The following ZNF211 variants were observed in gnomAD, a reference collection of about 807,000 sequenced individuals.
The protein encoded by ZNF211 is zinc finger protein C2H2-25.
A neutral mutation model predicts 12.1 loss-of-function variants in ZNF211; 18 were observed. That is an observed-to-expected ratio of 1.48 (90% CI 1.03 to 2.20). The LOEUF is 2.20. Among genes scored for constraint, ZNF211 ranks in the 30% most tolerant of loss-of-function variants. The pLI is 0.00. For missense variants in ZNF211, 677 were observed against 703.1 expected (o/e 0.96, Z 0.42); for synonymous variants, 249 against 246.0 (o/e 1.01, Z -0.11).
In ZNF211 at chr19:57,634,003, A is replaced by T. The variant is rs768454185; in HGVS notation, c.91-20A>T. ...GCACTGCCATGATCACATTCCTCTG[A>T]GGCCTGCGTCTTTCCACAGGTTCCC... is the stretch of plus-strand genomic sequence containing the variant. On this transcript the variant is annotated intron_variant, in intron 1 of 3. Transcript: ENST00000240731. The T allele has an allele frequency of 4.4e-6, 7 of 1,593,418 alleles. No homozygotes were observed. Among genetic ancestry groups the T allele is most frequent in the Non-Finnish European group, 6.0e-6 (7 of 1,171,030 alleles).
rs1281963856 is a variant in ZNF211 at position 57,642,281 on chromosome 19, G to T, written c.*100G>T. On this transcript the variant is annotated 3_prime_UTR_variant, in exon 4 of 4. Coordinates refer to ENST00000240731, the MANE Select transcript of ZNF211 (RefSeq NM_006385.5). ...TGATTTGGAAGCCCCAACATCTAAGGATATACAGTGGGCGGATTCCCCTTA... is the reference window on the plus strand; with the variant it reads ...TGATTTGGAAGCCCCAACATCTAAGTATATACAGTGGGCGGATTCCCCTTA... 4.6e-6 allele frequency: 6 copies of T among 1,316,356 alleles called. No individual in the cohort carries two copies. In the South Asian group the frequency reaches 7.5e-5, roughly 17 times the overall value. 81.5% of individuals were successfully genotyped at this position (1,316,356 alleles called of 1,614,324 possible). A position where few individuals can be genotyped will look rare whatever the true frequency, so the allele number is the denominator to read the frequency against.
At chr19:57,638,961 A>G (rs1982487232) in intron 3 of ZNF211, among the ~76,000 whole-genome samples, 1 of 152,086 alleles carries the variant, frequency 6.6e-6, no homozygotes, top group African/African-American at 2.4e-5. Flanking sequence ...ATATCCTTTT[A>G]TATCTCTTGT....
chr19:57,638,297 A>G (rs2122194610), intron 3 of ZNF211, among the ~76,000 whole-genome samples: 1 of 150,472 alleles, frequency 6.6e-6, no homozygotes, highest in East Asian at 2.0e-4. Flanking sequence ...ATTTATCTAG[A>G]CTTTAGTCTT....
intron 3 of ZNF211, among the ~76,000 whole-genome samples, chr19:57,638,305 C>T (rs12610144): frequency 0.18 from 27,427 of 151,314 alleles, 2,647 homozygotes; most frequent in East Asian, 0.32. Context: ...AGACTTTAGT[C>T]TTTATTATTT....
At position 57,642,333 on chromosome 19, in the gene ZNF211, A is replaced by G. The variant is rs1448264766; in HGVS notation, c.*152A>G. ...GTTCCAGGTATGTGTTACACTTTCT[A>G]ACATGCCATTTAGAAAGTGTTAGAC... On this transcript the variant is annotated 3_prime_UTR_variant, in exon 4 of 4. Coordinates refer to ENST00000240731, the MANE Select transcript of ZNF211 (RefSeq NM_006385.5). The G allele has an allele frequency of 6.0e-6, 5 of 837,174 alleles. No homozygotes were observed. The African/African-American group carries it at 8.5e-5, about 14-fold the overall frequency. 51.9% of individuals were successfully genotyped at this position (837,174 alleles called of 1,614,324 possible).
intron 3 of ZNF211, chr19:57,640,014 A>G (rs1328054427): frequency 6.5e-7 from 1 of 1,535,976 alleles, no homozygotes; most frequent in South Asian, 1.2e-5. Flanking sequence ...GCAAGATGGG[A>G]TCAGAGAGGG....
intron 3 of ZNF211, chr19:57,639,870 TG>T: frequency 1.3e-6 from 2 of 1,499,856 alleles, no homozygotes; most frequent in South Asian, 1.3e-5. Context: ...CGTGTTGTTC[TG>T]GGCCAGTGTT....
chr19:57,639,875 C>T (rs1223283297), intron 3 of ZNF211: 2 of 1,504,872 alleles, frequency 1.3e-6, no homozygotes, highest in South Asian at 1.2e-5. Context: ...TGTTCTGGGC[C>T]AGTGTTAGTT....
Position 57,642,239 on chromosome 19 carries a change from TGAGA to T in ZNF211, c.*63_*66del, listed in dbSNP as rs948078028. The T allele has an allele frequency of 6.6e-7, 1 of 1,507,816 alleles. No individual in the cohort carries two copies. Among genetic ancestry groups the T allele is most frequent in the African/African-American group, 1.4e-5 (1 of 71,858 alleles). 93.4% of individuals were successfully genotyped at this position (1,507,816 alleles called of 1,614,324 possible). On this transcript the variant is annotated 3_prime_UTR_variant, in exon 4 of 4. Transcript: ENST00000240731. ...TAATTATACTGAAGGAGTACACCTG[TGAGA>T]GAGACAAGTACCTGATTTGGAAGCC...
chr19:57,634,854 G>A, intron 3 of ZNF211, 99 bp downstream of exon 3: 2 of 1,347,658 alleles, frequency 1.5e-6, no homozygotes, highest in Admixed American at 5.9e-5. Context: ...TATAGGCACT[G>A]CCTCCTTCCC....
At chr19:57,634,848 G>A (rs552631261) in intron 3 of ZNF211, 93 bp downstream of exon 3, 4 of 1,356,434 alleles carry the variant, frequency 2.9e-6, no homozygotes, top group Admixed American at 5.7e-5. Flanking sequence ...CTGGACTATA[G>A]GCACTGCCTC....
intron 3 of ZNF211, chr19:57,639,943 T>C (rs1289053532): frequency 2.0e-6 from 3 of 1,533,684 alleles, no homozygotes; most frequent in African/African-American, 1.4e-5. Context: ...ATGTAGTTGC[T>C]CAACTAGGGC....
intron 3 of ZNF211, 48 bp downstream of exon 3, chr19:57,634,803 T>C: frequency 6.8e-7 from 1 of 1,468,486 alleles, no homozygotes; most frequent in Non-Finnish European, 9.0e-7. Context: ...GCTCTCTGTT[T>C]CTCCTTTTCC....
intron 1 of ZNF211, 111 bp from the exon 2 acceptor site, chr19:57,633,912 C>T (rs1345803122): frequency 1.9e-6 from 3 of 1,608,134 alleles, no homozygotes; most frequent in Non-Finnish European, 2.6e-6. Flanking sequence ...ACAGGTTAGA[C>T]AGTCGACCCA....
chr19:57,636,090 T>C (rs1393252180), intron 3 of ZNF211, among the ~76,000 whole-genome samples: 1 of 152,146 alleles, frequency 6.6e-6, no homozygotes, highest in Non-Finnish European at 1.5e-5. Flanking sequence ...TAATTAGAAG[T>C]ATTAAATATA....
intron 1 of ZNF211, 61 bp from the exon 2 acceptor site, chr19:57,633,962 G>C: frequency 6.3e-7 from 1 of 1,599,660 alleles, no homozygotes. Flanking sequence ...GTACAGGGAA[G>C]GCCTGTGCCC....
In ZNF211 at chr19:57,634,623, T is replaced by C. The variant is rs766436247; in HGVS notation, c.130-6T>C. ...TTCATGGTTTCATCAATCCCTATTA[T>C]GCTAGGGAAGTGTGACCTTTGAAGA... On this transcript the variant is annotated splice_region_variant and splice_polypyrimidine_tract_variant and intron_variant, in intron 2 of 3. Transcript: ENST00000240731. 2 of 1,576,240 alleles carry C rather than the reference T, an allele frequency of 1.3e-6. No individual in the cohort carries two copies. The highest frequency in any genetic ancestry group is 1.7e-6 in the Non-Finnish European group (2 of 1,161,276).
chr19:57,633,981 C>T (rs766588811), intron 1 of ZNF211, 42 bp from the exon 2 acceptor site: 6 of 1,596,026 alleles, frequency 3.8e-6, no homozygotes, highest in African/African-American at 1.3e-5. Flanking sequence ...CCATGGAGCA[C>T]TGCCATGATC....
chr19:57,639,691 G>T (rs1294371316), intron 3 of ZNF211, among the ~76,000 whole-genome samples: 3 of 151,800 alleles, frequency 2.0e-5, no homozygotes, highest in African/African-American at 7.3e-5. Context: ...CTCCCAAAGT[G>T]CTGAGATTAC....
Sources: gnomAD v4.1 joint callset for allele counts (sites outside exome capture counted in the v4.1 genomes callset) on GRCh38, gnomAD v4.1.1 for gene constraint, MANE v1.5 for transcripts, NCBI Gene and HGNC (gene_info 2026-07-23, HGNC 2026-07-21) for gene names.